The following ALDH1A3 variants were observed in gnomAD, a reference collection of about 807,000 sequenced individuals.
ALDH1A3 encodes the protein aldehyde dehydrogenase 1 family member A3, also known as retinaldehyde dehydrogenase 3.
A neutral mutation model predicts 57.5 loss-of-function variants in ALDH1A3; 28 were observed. The observed-to-expected ratio is 0.49, with a 90% CI of 0.36 to 0.67. ALDH1A3 has a LOEUF of 0.67. ALDH1A3 is among the 30% of genes least tolerant of loss of function. The probability of loss-of-function intolerance (pLI) is 0.00; values close to 1 mark genes in which losing one functional copy is unlikely to be tolerated. For missense variants in ALDH1A3, 507 were observed against 669.4 expected, an observed-to-expected ratio of 0.76 and a Z score of 2.68; for synonymous variants, 281 against 264.8, an observed-to-expected ratio of 1.06 and a Z score of -0.59.
intron 3 of ALDH1A3, 153 bp from the exon 4 acceptor site, chr15:100,892,357 G>T (rs1388459567): frequency 5.2e-6 from 5 of 964,430 alleles, no homozygotes; most frequent in Non-Finnish European, 7.7e-6. Context: ...TTTACATTTG[G>T]TGTCATGCTT....
In ALDH1A3 at chr15:100,879,981, G is replaced by T; in HGVS notation, c.74G>T (p.Arg25Leu). ...RKPPALPRPI[R>L]NLEVKFTKIF... The stretch of plus-strand genomic sequence containing the variant: ...CCGCCGGCCCTGCCGCGCCCCATCC[G>T]CAACCTGGAGGTCAAGTTCACCAAG... The change falls in exon 1 of 13, where the codon CGC becomes CTC. Residue 25 changes from arginine (R) to leucine (L), a missense_variant. Arg to Leu is a moderately radical substitution (Grantham distance 102). This residue lies in a region of ALDH1A3 where 75 missense variants were observed against 61.0 expected (regional missense o/e 1.23). Coordinates refer to ENST00000329841, the MANE Select transcript of ALDH1A3 (RefSeq NM_000693.4). The T allele has an allele frequency of 6.8e-7, 1 of 1,474,766 alleles. No individual in the cohort carries two copies. The highest frequency in any genetic ancestry group is 9.0e-7 in the Non-Finnish European group (1 of 1,111,066). The allele number at this position is 1,474,766 out of a possible 1,614,324, so 91.4% of individuals were successfully genotyped here. A position where few individuals can be genotyped will look rare whatever the true frequency, so the allele number is the denominator to read the frequency against.
Position 100,893,842 on chromosome 15 carries a change from C to T in ALDH1A3, c.538-112C>T, listed in dbSNP as rs2141556194. ...GCACACTCCTATGTTACCCCACATA[C>T]CCCAAATCCAGACCATGAAAAGCAA... On this transcript the variant is annotated intron_variant, in intron 5 of 12. Transcript: ENST00000329841. The surrounding 1 kb of genome is among the most constrained non-coding windows in gnomAD (Gnocchi z 4.8). The T allele has an allele frequency of 6.9e-7, 1 of 1,459,328 alleles. No individual in the cohort carries two copies. Among genetic ancestry groups the T allele is most frequent in the Non-Finnish European group, 9.2e-7 (1 of 1,083,846 alleles). 90.4% of individuals were successfully genotyped at this position (1,459,328 alleles called of 1,614,324 possible).
At position 100,893,659 on chromosome 15, in the gene ALDH1A3, AGTGCCC is replaced by A; in HGVS notation, c.538-294_538-289del. 1.4e-5 allele frequency: 4 copies of A among 281,178 alleles called. No individual in the cohort carries two copies. The highest frequency in any genetic ancestry group is 1.1e-4 in the South Asian group (1 of 9,368). The allele number at this position is 281,178 out of a possible 1,614,324, so 17.4% of individuals were successfully genotyped here. The stretch of plus-strand genomic sequence containing the variant: ...GGCAACATGAAGTGAGGGTTCAAAA[AGTGCCC>A]ATGGAGGCAGGGAGGAGGACACGTC... On this transcript the variant is annotated intron_variant, in intron 5 of 12. Transcript: ENST00000329841. The surrounding 1 kb of genome is among the most constrained non-coding windows in gnomAD (Gnocchi z 4.8).
At position 100,893,877 on chromosome 15, in the gene ALDH1A3, A is replaced by T. The variant is rs778683898; in HGVS notation, c.538-77A>T. 1 of 1,548,124 alleles carries T rather than the reference A, an allele frequency of 6.5e-7. No individual in the cohort carries two copies. The highest frequency in any genetic ancestry group is 8.7e-7 in the Non-Finnish European group (1 of 1,149,758). Reference sequence around the variant, plus strand: ...AGACCATGAAAAGCAAGTGTCCTCCACAAAGGCATCGTTGAGCACATGGGA... The same window carrying T: ...AGACCATGAAAAGCAAGTGTCCTCCTCAAAGGCATCGTTGAGCACATGGGA... On this transcript the variant is annotated intron_variant, in intron 5 of 12. Transcript: ENST00000329841. This position sits in a 1 kb window ranked among gnomAD's most constrained non-coding sequence, Gnocchi z 4.8.
In ALDH1A3 at chr15:100,889,283, A is replaced by G. The variant is rs1009699229; in HGVS notation, c.345+1571A>G. Among the ~76,000 whole-genome samples the G allele has an allele frequency of 6.6e-6, 1 of 152,152 alleles. No homozygotes were observed. Among genetic ancestry groups the G allele is most frequent in the Non-Finnish European group, 1.5e-5 (1 of 68,020 alleles). The stretch of plus-strand genomic sequence containing the variant: ...GGAGGGTGTCAGCCAGGACACGGAA[A>G]TTGCTGTTGCCCCTGAATGTGTTTC... On this transcript the variant is annotated intron_variant, in intron 3 of 12. Coordinates refer to ENST00000329841, the MANE Select transcript of ALDH1A3 (RefSeq NM_000693.4). The surrounding 1 kb of genome is among the most constrained non-coding windows in gnomAD (Gnocchi z 5.1).
rs889764212 is a variant in ALDH1A3 at position 100,893,198 on chromosome 15, C to T, written c.537+192C>T. On this transcript the variant is annotated intron_variant, in intron 5 of 12. Transcript: ENST00000329841. This position sits in a 1 kb window ranked among gnomAD's most constrained non-coding sequence, Gnocchi z 4.8. ...GACCCCATTTCTGCTCTCCTAAGAC[C>T]GGCTTTAGGCATGCCACAGAAAGCA... The T allele has an allele frequency of 1.0e-5, 5 of 480,814 alleles. No homozygotes were observed. Among genetic ancestry groups the T allele is most frequent in the South Asian group, 9.9e-5 (2 of 20,206 alleles). The allele number at this position is 480,814 out of a possible 1,614,324, so 29.8% of individuals were successfully genotyped here.
chr15:100,908,435 A>T lies in ALDH1A3; in HGVS notation c.1419A>T (p.Ala473=), dbSNP rs773448078. Residue 473 remains alanine (A), a synonymous_variant, in exon 12 of 13, where the codon GCA becomes GCT. Coordinates refer to ENST00000329841, the MANE Select transcript of ALDH1A3 (RefSeq NM_000693.4). ...TCAACTGCTACAACGCCCTCTATGC[A>T]CAGGCTCCATTTGGTGGCTTTAAAA... ...VWINCYNALY[A]QAPFGGFKMS... is the part of the protein sequence containing the mutation. 1 of 1,614,022 alleles carries T rather than the reference A, an allele frequency of 6.2e-7. No individual in the cohort carries two copies. Among genetic ancestry groups the T allele is most frequent in the Non-Finnish European group, 8.5e-7 (1 of 1,179,908 alleles).
Position 100,898,072 on chromosome 15 carries a change from C to T in ALDH1A3, c.781-11C>T. 1 of 1,611,858 alleles carries T rather than the reference C, an allele frequency of 6.2e-7. No homozygotes were observed. Among genetic ancestry groups the T allele is most frequent in the Non-Finnish European group, 8.5e-7 (1 of 1,178,194 alleles). On this transcript the variant is annotated splice_polypyrimidine_tract_variant and intron_variant, in intron 7 of 12. Transcript: ENST00000329841. ...TCCAAGGTAAATTGTGATCTGTGTT[C>T]TGTCCTGGAGGTTGGAAAACTGGTT...
chr15:100,881,080 G>A (rs967964078), intron 1 of ALDH1A3: 1 of 152,270 alleles, frequency 6.6e-6, no homozygotes, highest in Non-Finnish European at 1.5e-5. Context: ...TTTACTTTAA[G>A]AAGTAGCAAT....
chr15:100,880,111 C>T, intron 1 of ALDH1A3, 105 bp downstream of exon 1: 1 of 804,434 alleles, frequency 1.2e-6, no homozygotes, highest in Non-Finnish European at 1.7e-6. Context: ...GTCCGCCGGG[C>T]GCCGCCGAGA....
Position 100,893,098 on chromosome 15 carries a change from T to G in ALDH1A3, c.537+92T>G. On this transcript the variant is annotated intron_variant, in intron 5 of 12. Coordinates refer to ENST00000329841, the MANE Select transcript of ALDH1A3 (RefSeq NM_000693.4). The surrounding 1 kb of genome is among the most constrained non-coding windows in gnomAD (Gnocchi z 4.8). Reference sequence around the variant, plus strand: ...AATCAATTTCTGGTGTGTTTTTATCTGATTGCACCAGCGTTGAACAAGCAT... The same window carrying G: ...AATCAATTTCTGGTGTGTTTTTATCGGATTGCACCAGCGTTGAACAAGCAT... 1 of 1,198,364 alleles carries G rather than the reference T, an allele frequency of 8.3e-7. No homozygotes were observed. Among genetic ancestry groups the G allele is most frequent in the Middle Eastern group, 1.9e-4 (1 of 5,132 alleles). 74.2% of individuals were successfully genotyped at this position (1,198,364 alleles called of 1,614,324 possible).
At chr15:100,886,280 C>A (rs954461616) in intron 2 of ALDH1A3, among the ~76,000 whole-genome samples, 1 of 152,196 alleles carries the variant, frequency 6.6e-6, no homozygotes, top group Non-Finnish European at 1.5e-5. Context: ...CAGAGGAGCT[C>A]ATAGAAAAAT....
At chr15:100,883,149 C>T (rs1403535747) in intron 1 of ALDH1A3, among the ~76,000 whole-genome samples, 3 of 152,076 alleles carry the variant, frequency 2.0e-5, no homozygotes, top group Admixed American at 2.0e-4. Flanking sequence ...CTTCTGCCAC[C>T]TTCTCATTTT....
chr15:100,883,858 T>G (rs1262338681), intron 1 of ALDH1A3, among the ~76,000 whole-genome samples: 1 of 152,158 alleles, frequency 6.6e-6, no homozygotes, highest in African/African-American at 2.4e-5. Context: ...ATGGCTGCCC[T>G]CTCTCATCTG....
chr15:100,882,926 T>C (rs1039350183), intron 1 of ALDH1A3, among the ~76,000 whole-genome samples: 14 of 152,214 alleles, frequency 9.2e-5, no homozygotes, highest in African/African-American at 3.4e-4. Context: ...TAGTGTGGTA[T>C]AAAGTAAAAG....
intron 4 of ALDH1A3, 62 bp from the exon 5 acceptor site, chr15:100,892,883 C>T (rs2041664042): frequency 6.4e-7 from 1 of 1,553,278 alleles, no homozygotes; most frequent in Admixed American, 1.8e-5. Context: ...CTTTTTACTA[C>T]TTGAAGTTCC....
Position 100,905,671 on chromosome 15 carries a change from G to A in ALDH1A3, c.1217G>A (p.Arg406Gln), listed in dbSNP as rs770610190. The change falls in exon 10 of 13, where the codon CGG becomes CAG. Residue 406 changes from arginine (R) to glutamine (Q), a missense_variant. Physicochemically the swap from Arg to Gln is conservative, Grantham distance 43. Around this residue, in one of 2 missense-constraint regions of ALDH1A3, gnomAD observed 432 missense variants for 608.4 expected, o/e 0.71. Transcript: ENST00000329841. ...TTCTCAGAAGTCACAGACAACATGC[G>A]GATTGCCAAAGAGGAGGTACAAGGG... Reference protein sequence around the residue: ...TVFSEVTDNMRIAKEEIFGPV... With the variant: ...TVFSEVTDNMQIAKEEIFGPV... The A allele has an allele frequency of 7.6e-6, 12 of 1,586,710 alleles. No individual in the cohort carries two copies. The African/African-American group carries it at 9.5e-5, about 13-fold the overall frequency.
chr15:100,906,213 A>G lies in ALDH1A3; in HGVS notation c.1233+526A>G, dbSNP rs2041820677. ...CTTGAAAATGAGGGAAATTAAGGAGACTCCCCCACTCCCATAAGAGTGTAA... is the reference window on the plus strand; with the variant it reads ...CTTGAAAATGAGGGAAATTAAGGAGGCTCCCCCACTCCCATAAGAGTGTAA... On this transcript the variant is annotated intron_variant, in intron 10 of 12. Coordinates refer to ENST00000329841, the MANE Select transcript of ALDH1A3 (RefSeq NM_000693.4). The surrounding 1 kb of genome is among the most constrained non-coding windows in gnomAD (Gnocchi z 4.8). 6.6e-6 allele frequency among the ~76,000 whole-genome samples: 1 copy of G among 151,616 alleles called. No individual in the cohort carries two copies. The highest frequency in any genetic ancestry group is 1.9e-4 in the East Asian group (1 of 5,178).
At chr15:100,881,431 T>G (rs1379543181) in intron 1 of ALDH1A3, 6 of 152,210 alleles carry the variant, frequency 3.9e-5, no homozygotes, top group Admixed American at 2.6e-4. Context: ...GGGGAGGTTG[T>G]TTGTTTTCTT....
Sources: allele counts gnomAD v4.1 joint callset (sites outside exome capture counted in the v4.1 genomes callset), GRCh38; gene constraint gnomAD v4.1.1; regional missense constraint gnomAD v4.1.1; non-coding constraint Gnocchi (gnomAD v3.1); transcripts MANE v1.5; gene names NCBI Gene and HGNC (gene_info 2026-07-23, HGNC 2026-07-21).